The following TMEM87A variants were observed in gnomAD, a reference collection of about 807,000 sequenced individuals.
TMEM87A encodes transmembrane protein 87A.
A neutral mutation model predicts 90.0 loss-of-function variants in TMEM87A; 50 were observed. That is an observed-to-expected ratio of 0.56 (90% CI 0.44 to 0.70). TMEM87A has a LOEUF of 0.70. Among genes scored for constraint, TMEM87A ranks in the 30% least tolerant of loss-of-function variants. TMEM87A has a pLI of 0.00. For synonymous variants in TMEM87A, 226 were observed against 226.7 expected, an observed-to-expected ratio of 1.00 and a Z score of 0.03; for missense variants, 577 against 660.5, an observed-to-expected ratio of 0.87 and a Z score of 1.39.
rs765433710 is a variant in TMEM87A, at chr15:42,228,676, C to A, written c.1240+36G>T. ...TTAAGAATGTCCATTCTAAACAGATCACATTTGAACTCCAAGAAGAAAGTC... is the reference window on the plus strand; with the variant it reads ...TTAAGAATGTCCATTCTAAACAGATAACATTTGAACTCCAAGAAGAAAGTC... On this transcript the variant is annotated intron_variant, in intron 13 of 19. Coordinates refer to ENST00000389834, the MANE Select transcript of TMEM87A (RefSeq NM_015497.5). 18 of 1,558,828 alleles carry A rather than the reference C, an allele frequency of 1.2e-5. No homozygotes were observed. The African/African-American group carries it at 1.6e-4, about 14-fold the overall frequency.
intron 6 of TMEM87A, among the ~76,000 whole-genome samples, chr15:42,256,267 A>G (rs1196960546): frequency 6.6e-6 from 1 of 152,112 alleles, no homozygotes; most frequent in African/African-American, 2.4e-5. Flanking sequence ...CATGCACCCA[A>G]GTAGCTGGGA....
intron 7 of TMEM87A, among the ~76,000 whole-genome samples, chr15:42,241,142 C>T (rs1331756059): frequency 6.6e-6 from 1 of 152,158 alleles, no homozygotes; most frequent in Non-Finnish European, 1.5e-5. Context: ...TTTGCTAGCC[C>T]CTGCTCTATG....
At position 42,244,105 on chromosome 15, in the gene TMEM87A, G is replaced by A. The variant is rs750016270; in HGVS notation, c.567C>T (p.Gly189=). The A allele has an allele frequency of 3.8e-5, 60 of 1,578,286 alleles. No individual in the cohort carries two copies. Among genetic ancestry groups the A allele is most frequent in the Non-Finnish European group, 4.9e-5 (57 of 1,168,552 alleles). The change falls in exon 7 of 20, where the codon GGC becomes GGT. Residue 189 remains glycine (G), a synonymous_variant. Coordinates refer to ENST00000389834, the MANE Select transcript of TMEM87A (RefSeq NM_015497.5). ...DAPYIFIVHI[G]ISSSKESSKE... is the part of the protein sequence containing the mutation. The stretch of plus-strand genomic sequence containing the variant: ...TTGATGATTCCTTTGAGGATGAAAT[G>A]CCAATATGTACAATAAAAATGTATG...
intron 6 of TMEM87A, among the ~76,000 whole-genome samples, chr15:42,249,728 G>A (rs1335473220): frequency 6.6e-6 from 1 of 152,220 alleles, no homozygotes; most frequent in Non-Finnish European, 1.5e-5. Context: ...GTGATGTGGT[G>A]CTGAGAAGAA....
rs781141360 is a variant in TMEM87A, at chr15:42,273,422, C to G, written c.-24G>C. Reference sequence around the variant, plus strand: ...ATCTTCACAGCCGTGGAGTGCCTACCGAAAGCATTTCACCCTCTTCCGGTT... The same window carrying G: ...ATCTTCACAGCCGTGGAGTGCCTACGGAAAGCATTTCACCCTCTTCCGGTT... On this transcript the variant is annotated 5_prime_UTR_variant, in exon 1 of 20. Coordinates refer to ENST00000389834, the MANE Select transcript of TMEM87A (RefSeq NM_015497.5). The G allele has an allele frequency of 6.8e-6, 11 of 1,613,184 alleles. No homozygotes were observed. The highest frequency in any genetic ancestry group is 9.3e-6 in the Non-Finnish European group (11 of 1,179,784).
chr15:42,231,847 TA>T, intron 11 of TMEM87A: 1 of 1,268,192 alleles, frequency 7.9e-7, no homozygotes, highest in Non-Finnish European at 1.0e-6. Flanking sequence ...AGGATATCCA[TA>T]AAATAACACA....
chr15:42,243,802 G>A (rs1319276405), intron 7 of TMEM87A, among the ~76,000 whole-genome samples: 1 of 152,080 alleles, frequency 6.6e-6, no homozygotes, highest in Non-Finnish European at 1.5e-5. Flanking sequence ...TTACAGGCAT[G>A]AGCCACCGCG....
chr15:42,264,699 A>ATATATATATATATATATATATATTT (rs10681614), intron 3 of TMEM87A, among the ~76,000 whole-genome samples: 1 of 109,424 alleles, frequency 9.1e-6, no homozygotes, highest in African/African-American at 3.1e-5. Context: ...ATATATATAT[A>ATATATATATATATATATATATATTT]TTTTTTTTTT....
At chr15:42,253,063 G>A (rs910890386) in intron 6 of TMEM87A, among the ~76,000 whole-genome samples, 18 of 152,148 alleles carry the variant, frequency 1.2e-4, no homozygotes, top group African/African-American at 4.3e-4. Flanking sequence ...TTAGTGGTCA[G>A]CTAGTGTTTT....
At chr15:42,266,964 T>C (rs1407358050) in intron 3 of TMEM87A, among the ~76,000 whole-genome samples, 3 of 152,198 alleles carry the variant, frequency 2.0e-5, no homozygotes, top group Non-Finnish European at 4.4e-5. Context: ...GTTATTTCTC[T>C]GGAAATGGGC....
At chr15:42,245,873 T>G (rs568439168) in intron 6 of TMEM87A, among the ~76,000 whole-genome samples, 3 of 152,208 alleles carry the variant, frequency 2.0e-5, no homozygotes, top group Non-Finnish European at 2.9e-5. Context: ...CCCTATCAGA[T>G]AGGTATTAAC....
At chr15:42,254,751 A>T (rs921321635) in intron 6 of TMEM87A, among the ~76,000 whole-genome samples, 9 of 152,230 alleles carry the variant, frequency 5.9e-5, no homozygotes, top group African/African-American at 2.2e-4. Context: ...AGGCACTGAA[A>T]CTATTCTGTA....
Position 42,234,715 on chromosome 15 carries a change from T to C in TMEM87A, c.969-1409A>G, listed in dbSNP as rs184904923. 3.3e-5 allele frequency among the ~76,000 whole-genome samples: 5 copies of C among 152,282 alleles called. No individual in the cohort carries two copies. In the East Asian group the frequency reaches 9.6e-4, roughly 29 times the overall value. On this transcript the variant is annotated intron_variant, in intron 10 of 19. Transcript: ENST00000389834. ...TATACAATTATTCTAATTCCTCTCC[T>C]CCTATACTCTCTGGAACTCTCCCCA...
At chr15:42,212,579 T>TCC (rs2050310254) in intron 19 of TMEM87A, among the ~76,000 whole-genome samples, 1 of 152,206 alleles carries the variant, frequency 6.6e-6, no homozygotes, top group Non-Finnish European at 1.5e-5. Context: ...ATTTCCTAGA[T>TCC]CCCAAGTCTT....
Position 42,271,967 on chromosome 15 carries a change from C to T in TMEM87A, c.205+96G>A, listed in dbSNP as rs562214401. On this transcript the variant is annotated intron_variant, in intron 2 of 19. Transcript: ENST00000389834. The stretch of plus-strand genomic sequence containing the variant: ...ATATTTATACCTAGATAATGCCAGA[C>T]TATTAGATTTCAGAACTTATAAAAT... The T allele has an allele frequency of 1.7e-5, 17 of 1,004,500 alleles. No homozygotes were observed. The South Asian group carries it at 2.7e-4, about 16-fold the overall frequency. The allele number at this position is 1,004,500 out of a possible 1,614,324, so 62.2% of individuals were successfully genotyped here. A position where few individuals can be genotyped will look rare whatever the true frequency, so the allele number is the denominator to read the frequency against.
chr15:42,241,864 GATAA>G (rs750492967), intron 7 of TMEM87A, among the ~76,000 whole-genome samples: 6 of 151,854 alleles, frequency 4.0e-5, no homozygotes, highest in Non-Finnish European at 7.4e-5. Context: ...TAATTTAGCA[GATAA>G]ATAATAATTT....
At chr15:42,226,332 A>T (rs2050592851) in intron 15 of TMEM87A, among the ~76,000 whole-genome samples, 1 of 150,714 alleles carries the variant, frequency 6.6e-6, no homozygotes, top group African/African-American at 2.4e-5. Context: ...TTTTTTGGCA[A>T]TAAAGTGTTT....
chr15:42,212,919 GA>G (rs1236478278), intron 19 of TMEM87A, among the ~76,000 whole-genome samples: 2 of 152,090 alleles, frequency 1.3e-5, no homozygotes, highest in African/African-American at 2.4e-5. Flanking sequence ...ATGTCAGCAA[GA>G]TGACAGAATA....
chr15:42,257,722 T>C (rs2051210394), intron 6 of TMEM87A, among the ~76,000 whole-genome samples: 1 of 152,146 alleles, frequency 6.6e-6, no homozygotes, highest in African/African-American at 2.4e-5. Flanking sequence ...TTATCCATAA[T>C]AGGGGAAATT....
Sources: allele counts gnomAD v4.1 joint callset (sites outside exome capture counted in the v4.1 genomes callset), GRCh38; gene constraint gnomAD v4.1.1; transcripts MANE v1.5; gene names NCBI Gene and HGNC (gene_info 2026-07-23, HGNC 2026-07-21).